MKLN1: variants seen among roughly 807,000 people sequenced by gnomAD.
The protein encoded by MKLN1 is muskelin.
In MKLN1, 18 loss-of-function variants were observed where a neutral mutation model predicts 99.0. That is an observed-to-expected ratio of 0.18 (90% CI 0.13 to 0.27). The LOEUF is 0.27. Among genes scored for constraint, MKLN1 ranks in the 10% least tolerant of loss-of-function variants. The pLI, the probability that MKLN1 is intolerant of heterozygous loss-of-function variation, is 1.00. For synonymous variants in MKLN1, 288 were observed against 293.2 expected (o/e 0.98, Z 0.18); for missense variants, 621 against 875.9 (o/e 0.71, Z 3.67).
intron 2 of MKLN1, among the ~76,000 whole-genome samples, chr7:131,380,358 C>A (rs1793807597): frequency 6.6e-6 from 1 of 151,600 alleles, no homozygotes; most frequent in South Asian, 2.1e-4. Flanking sequence ...AGTGCCCTTG[C>A]TATGTGAAAG....
chr7:131,188,848 G>A (rs1055604374), intron 2 of MKLN1, among the ~76,000 whole-genome samples: 9 of 152,066 alleles, frequency 5.9e-5, no homozygotes, highest in African/African-American at 1.7e-4. Context: ...GGTCTAAAGC[G>A]GAAAGAACGA....
chr7:131,261,395 T>TGCTCA (rs1387579243), intron 3 of MKLN1, among the ~76,000 whole-genome samples: 5 of 152,004 alleles, frequency 3.3e-5, no homozygotes, highest in Non-Finnish European at 4.4e-5. Flanking sequence ...TATGAAAAAA[T>TGCTCA]GCTCAGCGTC....
chr7:131,431,444 G>T (rs1795519340), intron 9 of MKLN1, among the ~76,000 whole-genome samples: 1 of 152,080 alleles, frequency 6.6e-6, no homozygotes, highest in African/African-American at 2.4e-5. Flanking sequence ...TTTTGGTTTG[G>T]CCGGGCTCAT....
intron 9 of MKLN1, among the ~76,000 whole-genome samples, chr7:131,430,476 C>CT (rs1353949665): frequency 1.3e-5 from 2 of 151,838 alleles, no homozygotes; most frequent in East Asian, 1.9e-4. Flanking sequence ...AAAAAACTAA[C>CT]TTTTTTCTAC....
At chr7:131,144,769 G>A (rs1000567702) in intron 2 of MKLN1, among the ~76,000 whole-genome samples, 4 of 152,030 alleles carry the variant, frequency 2.6e-5, no homozygotes, top group African/African-American at 9.7e-5. Flanking sequence ...CCTGAGATCA[G>A]GAGTTCAAGA....
chr7:131,189,166 C>T (rs939945948), intron 2 of MKLN1, among the ~76,000 whole-genome samples: 1 of 152,198 alleles, frequency 6.6e-6, no homozygotes, highest in Non-Finnish European at 1.5e-5. Context: ...CTACAATATT[C>T]TGGCTGATTC....
chr7:131,300,701 C>A (rs201445647), intron 3 of MKLN1, among the ~76,000 whole-genome samples: 1,328 of 103,798 alleles, frequency 0.013, 33 homozygotes, highest in African/African-American at 0.037. Flanking sequence ...AAAAAAAAAA[C>A]AACCAAAAAG....
rs942193784 is a variant in MKLN1 at position 131,408,930 on chromosome 7, A to G, written c.704-2376A>G. 2.6e-5 allele frequency among the ~76,000 whole-genome samples: 4 copies of G among 152,318 alleles called. No homozygotes were observed. The East Asian group carries it at 7.7e-4, about 29-fold the overall frequency. On this transcript the variant is annotated intron_variant, in intron 6 of 17. Transcript: ENST00000352689. Reference sequence around the variant, plus strand: ...AATAGTTTAAAAATTATTAACAACTAGTTCTTAGTGTGCTTTCTCCTAGTG... The same window carrying G: ...AATAGTTTAAAAATTATTAACAACTGGTTCTTAGTGTGCTTTCTCCTAGTG...
chr7:131,210,833 G>A (rs991963982), intron 3 of MKLN1, among the ~76,000 whole-genome samples: 8 of 141,882 alleles, frequency 5.6e-5, no homozygotes, highest in African/African-American at 2.1e-4. Flanking sequence ...ATTAGAAGCT[G>A]ACCATCAACA....
intron 3 of MKLN1, among the ~76,000 whole-genome samples, chr7:131,238,125 C>T (rs946781330): frequency 2.6e-5 from 4 of 151,860 alleles, no homozygotes; most frequent in East Asian, 1.9e-4. Context: ...CCAGCCTGGG[C>T]GACAGAGTGA....
At chr7:131,134,793 A>G (rs1258403139) in intron 1 of MKLN1, among the ~76,000 whole-genome samples, 1 of 152,194 alleles carries the variant, frequency 6.6e-6, no homozygotes, top group Non-Finnish European at 1.5e-5. Flanking sequence ...TTGCTGGCTC[A>G]GTCTTCATCC....
chr7:131,264,526 C>T (rs933061651), intron 3 of MKLN1, among the ~76,000 whole-genome samples: 1 of 152,094 alleles, frequency 6.6e-6, no homozygotes, highest in Non-Finnish European at 1.5e-5. Context: ...ATTTGGGTTT[C>T]TAAGGAAAAT....
At chr7:131,116,886 A>T (rs1306910750) in intron 1 of MKLN1, among the ~76,000 whole-genome samples, 1 of 152,144 alleles carries the variant, frequency 6.6e-6, no homozygotes, top group Non-Finnish European at 1.5e-5. Context: ...GGAAGCAGGC[A>T]CTTTCTTATA....
At chr7:131,222,230 AC>A (rs1267412794) in intron 3 of MKLN1, among the ~76,000 whole-genome samples, 1 of 152,132 alleles carries the variant, frequency 6.6e-6, no homozygotes, top group Non-Finnish European at 1.5e-5. Context: ...CCTTACAACA[AC>A]CCTGTGAGCT....
chr7:131,140,858 C>T (rs1795721367), intron 1 of MKLN1, among the ~76,000 whole-genome samples: 1 of 151,952 alleles, frequency 6.6e-6, no homozygotes, highest in African/African-American at 2.4e-5. Context: ...TGGCTCACTG[C>T]AATCTCCGCC....
At chr7:131,459,439 G>C (rs1445310063) in intron 12 of MKLN1, among the ~76,000 whole-genome samples, 1 of 152,178 alleles carries the variant, frequency 6.6e-6, no homozygotes, top group Non-Finnish European at 1.5e-5. Flanking sequence ...CTGATTTGAT[G>C]ACTCACTTCT....
chr7:131,380,401 T>G (rs1004394688), intron 2 of MKLN1, among the ~76,000 whole-genome samples: 1 of 152,042 alleles, frequency 6.6e-6, no homozygotes, highest in African/African-American at 2.4e-5. Context: ...TATTGAAAAT[T>G]TTGGCAAAGA....
intron 3 of MKLN1, among the ~76,000 whole-genome samples, chr7:131,254,563 C>A (rs796957933): frequency 3.9e-5 from 6 of 151,916 alleles, no homozygotes; most frequent in Admixed American, 2.0e-4. Flanking sequence ...GATGACAATG[C>A]CTCATTAGAT....
chr7:131,388,071 G>A lies in MKLN1; in HGVS notation c.311+809G>A, dbSNP rs1166792617. Among the ~76,000 whole-genome samples the A allele has an allele frequency of 5.3e-5, 8 of 152,312 alleles. No individual in the cohort carries two copies. The East Asian group carries it at 1.5e-3, about 29-fold the overall frequency. On this transcript the variant is annotated intron_variant, in intron 3 of 17. Transcript: ENST00000352689. Reference sequence around the variant, plus strand: ...AGTCCCATCTACTTGGGAGGCTGAGGCAGGAGAATCACTTGAACCTGGGAG... The same window carrying A: ...AGTCCCATCTACTTGGGAGGCTGAGACAGGAGAATCACTTGAACCTGGGAG...
Sources: allele counts gnomAD v4.1 joint callset (sites outside exome capture counted in the v4.1 genomes callset), GRCh38; gene constraint gnomAD v4.1.1; transcripts MANE v1.5; gene names NCBI Gene and HGNC (gene_info 2026-07-23, HGNC 2026-07-21).